The following TANC1 variants were observed in gnomAD, a reference collection of about 807,000 sequenced individuals.
TANC1 encodes the protein protein TANC1.
Under a neutral mutation model 149.7 loss-of-function variants are expected in TANC1, and 77 were observed. That is an observed-to-expected ratio of 0.51 (90% CI 0.43 to 0.62). The LOEUF (loss-of-function observed/expected upper bound fraction) is 0.62, where lower values mean the gene tolerates loss of function less well. TANC1 is among the 20% of genes least tolerant of loss of function. The probability of loss-of-function intolerance (pLI) is 0.00; values close to 1 mark genes in which losing one functional copy is unlikely to be tolerated. For missense variants in TANC1, 1,985 were observed against 2,321.8 expected (o/e 0.85, Z 2.98); for synonymous variants, 854 against 925.0 (o/e 0.92, Z 1.39).
intron 16 of TANC1, among the ~76,000 whole-genome samples, chr2:159,190,076 A>G (rs1429484403): frequency 6.6e-6 from 1 of 152,230 alleles, no homozygotes; most frequent in African/African-American, 2.4e-5. Flanking sequence ...ATGGTACTCC[A>G]AGTATACCTT....
intron 1 of TANC1, among the ~76,000 whole-genome samples, chr2:158,985,456 A>G (rs2034886038): frequency 6.6e-6 from 1 of 152,238 alleles, no homozygotes; most frequent in Non-Finnish European, 1.5e-5. Context: ...CAAAATAGGC[A>G]GGCGCTCTGC....
intron 5 of TANC1, chr2:159,148,550 A>G (rs1282643847): frequency 6.6e-6 from 1 of 152,262 alleles, no homozygotes; most frequent in Non-Finnish European, 1.5e-5. Flanking sequence ...TTTCACTGTG[A>G]TTTTAAATTT....
At chr2:159,187,563 C>T (rs2057093121) in intron 16 of TANC1, among the ~76,000 whole-genome samples, 1 of 151,968 alleles carries the variant, frequency 6.6e-6, no homozygotes, top group Admixed American at 6.5e-5. Flanking sequence ...ATGTTCCACT[C>T]AGCTTTTTAA....
At chr2:159,081,332 T>G (rs1262178537) in intron 3 of TANC1, among the ~76,000 whole-genome samples, 1 of 151,894 alleles carries the variant, frequency 6.6e-6, no homozygotes, top group Non-Finnish European at 1.5e-5. Flanking sequence ...GGTACAGAGA[T>G]AGTCTAGGTG....
At chr2:159,129,110 C>G (rs1463133570) in intron 4 of TANC1, among the ~76,000 whole-genome samples, 2 of 152,130 alleles carry the variant, frequency 1.3e-5, no homozygotes, top group Non-Finnish European at 2.9e-5. Context: ...TCACAGCCTC[C>G]AGATATCATG....
Position 159,196,799 on chromosome 2 carries a change from TG to T in TANC1, c.3165+10del, listed in dbSNP as rs1466699248. On this transcript the variant is annotated splice_region_variant and intron_variant, in intron 18 of 26. Coordinates refer to ENST00000263635, the MANE Select transcript of TANC1 (RefSeq NM_033394.3). Reference sequence around the variant, plus strand: ...CCAGCATGGGCCACAGCTCGGTGAGTGGGGCAGGGGTTTCCCTCCTGGGAAA... The same window carrying T: ...CCAGCATGGGCCACAGCTCGGTGAGTGGGCAGGGGTTTCCCTCCTGGGAAA... 6.2e-7 allele frequency: 1 copy of T among 1,607,420 alleles called. No individual in the cohort carries two copies. The highest frequency in any genetic ancestry group is 8.5e-7 in the Non-Finnish European group (1 of 1,178,452).
chr2:159,073,623 T>C (rs1292044637), intron 3 of TANC1, among the ~76,000 whole-genome samples: 1 of 152,246 alleles, frequency 6.6e-6, no homozygotes, highest in African/African-American at 2.4e-5. Flanking sequence ...TCAAATCTAA[T>C]TTTATTTCAC....
intron 4 of TANC1, among the ~76,000 whole-genome samples, chr2:159,120,586 T>A (rs939503725): frequency 6.6e-6 from 1 of 152,154 alleles, no homozygotes; most frequent in African/African-American, 2.4e-5. Flanking sequence ...ATCTTGTGTT[T>A]AAAAAAATTT....
chr2:159,045,954 T>A (rs975867840), intron 2 of TANC1, among the ~76,000 whole-genome samples: 2 of 152,254 alleles, frequency 1.3e-5, no homozygotes, highest in African/African-American at 4.8e-5. Flanking sequence ...GGTGGAAATC[T>A]GCTTAAATGG....
chr2:159,153,080 A>G (rs2053032761), intron 7 of TANC1, among the ~76,000 whole-genome samples: 1 of 152,168 alleles, frequency 6.6e-6, no homozygotes, highest in Admixed American at 6.5e-5. Context: ...AGATGTAAAC[A>G]GGGGTCTCAT....
At chr2:159,210,870 C>T (rs912686479) in intron 19 of TANC1, among the ~76,000 whole-genome samples, 3 of 150,244 alleles carry the variant, frequency 2.0e-5, no homozygotes, top group Non-Finnish European at 4.4e-5. Flanking sequence ...CATGCCTGAT[C>T]TTTTAATTTT....
chr2:159,169,550 C>T (rs180918241), intron 9 of TANC1, among the ~76,000 whole-genome samples, 178 bp downstream of exon 9: 1 of 152,144 alleles, frequency 6.6e-6, no homozygotes, highest in Admixed American at 6.5e-5. Flanking sequence ...TTTGGGGCTT[C>T]TTCCTTTAAA....
intron 14 of TANC1, among the ~76,000 whole-genome samples, chr2:159,182,909 A>G (rs1180175105): frequency 3.9e-5 from 6 of 152,218 alleles, no homozygotes; most frequent in Non-Finnish European, 8.8e-5. Context: ...GTTAATAGGT[A>G]TTAGTAGGTA....
chr2:159,115,175 TG>T (rs2048115632), intron 4 of TANC1, among the ~76,000 whole-genome samples: 1 of 148,108 alleles, frequency 6.8e-6, no homozygotes, highest in Non-Finnish European at 1.5e-5. Flanking sequence ...GGTAAGGGTG[TG>T]TGTGTGTGTG....
At chr2:159,215,444 T>A (rs1157150359) in intron 19 of TANC1, among the ~76,000 whole-genome samples, 1 of 152,168 alleles carries the variant, frequency 6.6e-6, no homozygotes, top group Non-Finnish European at 1.5e-5. Flanking sequence ...CCATGCTGAC[T>A]GGTGTGACCA....
At chr2:158,992,669 A>T (rs2035756763) in intron 1 of TANC1, among the ~76,000 whole-genome samples, 1 of 112,482 alleles carries the variant, frequency 8.9e-6, no homozygotes. Flanking sequence ...TGCCCAGCTA[A>T]TTTTTTTTTT....
chr2:159,096,015 TG>T (rs1162612689), intron 3 of TANC1, among the ~76,000 whole-genome samples: 1 of 152,138 alleles, frequency 6.6e-6, no homozygotes, highest in Admixed American at 6.5e-5. Flanking sequence ...GTGGTTTTTT[TG>T]GTTTGTTTTT....
intron 4 of TANC1, among the ~76,000 whole-genome samples, chr2:159,133,358 T>C (rs1434361692): frequency 9.3e-6 from 1 of 107,704 alleles, no homozygotes; most frequent in Non-Finnish European, 2.2e-5. Context: ...TTTTTTTTTT[T>C]CTCTTTTTTT....
chr2:158,970,936 T>A (rs1436832582), intron 1 of TANC1, among the ~76,000 whole-genome samples: 1 of 152,254 alleles, frequency 6.6e-6, no homozygotes, highest in African/African-American at 2.4e-5. Context: ...TTTCTTGGTT[T>A]AACCACCAGA....
Sources: gnomAD v4.1 joint callset for allele counts (sites outside exome capture counted in the v4.1 genomes callset) on GRCh38, gnomAD v4.1.1 for gene constraint, MANE v1.5 for transcripts, NCBI Gene and HGNC (gene_info 2026-07-23, HGNC 2026-07-21) for gene names.